TIAM1: variants seen among roughly 807,000 people sequenced by gnomAD.
TIAM1 encodes rho guanine nucleotide exchange factor TIAM1.
Under a neutral mutation model 163.5 loss-of-function variants are expected in TIAM1, and 65 were observed. That is an observed-to-expected ratio of 0.40 (90% CI 0.33 to 0.49). TIAM1 has a LOEUF of 0.49. TIAM1 is among the 20% of genes least tolerant of loss of function. The pLI is 0.77. For synonymous variants in TIAM1, 833 were observed against 810.1 expected (o/e 1.03, Z -0.48); for missense variants, 1,789 against 2,044.7 (o/e 0.87, Z 2.41).
chr21:31,153,371 C>T (rs910978157), intron 17 of TIAM1, among the ~76,000 whole-genome samples: 5 of 152,082 alleles, frequency 3.3e-5, no homozygotes, highest in Admixed American at 3.3e-4. Flanking sequence ...GTCTCCATTG[C>T]AACTTCTTCA....
intron 2 of TIAM1, among the ~76,000 whole-genome samples, chr21:31,415,972 A>C (rs1462375120): frequency 6.6e-6 from 1 of 152,044 alleles, no homozygotes; most frequent in Non-Finnish European, 1.5e-5. Flanking sequence ...AGCCTTCCCA[A>C]TGCTACCCAA....
intron 2 of TIAM1, among the ~76,000 whole-genome samples, chr21:31,310,934 G>A (rs1051486424): frequency 6.6e-6 from 1 of 152,184 alleles, no homozygotes; most frequent in South Asian, 2.1e-4. Context: ...ATTTAGCTCA[G>A]TGACTCGTGC....
intron 2 of TIAM1, among the ~76,000 whole-genome samples, chr21:31,397,570 A>G (rs1346561198): frequency 6.6e-6 from 1 of 152,224 alleles, no homozygotes; most frequent in Non-Finnish European, 1.5e-5. Flanking sequence ...GTTGCCCAAT[A>G]TCCCCGCGCC....
intron 2 of TIAM1, among the ~76,000 whole-genome samples, chr21:31,288,788 C>T (rs2073909507): frequency 6.6e-6 from 1 of 150,710 alleles, no homozygotes; most frequent in African/African-American, 2.5e-5. Flanking sequence ...ATCTCAACCA[C>T]ACTTTGTATG....
chr21:31,175,420 G>A (rs1049033447), intron 15 of TIAM1, among the ~76,000 whole-genome samples: 5 of 152,122 alleles, frequency 3.3e-5, no homozygotes, highest in African/African-American at 4.8e-5. Context: ...TTGAAACTTC[G>A]GAAAGACACT....
At chr21:31,144,830 G>GAAAAAAAAAAAAAAAAAA (rs764835303) in intron 20 of TIAM1, among the ~76,000 whole-genome samples, 41 of 74,496 alleles carry the variant, frequency 5.5e-4, no homozygotes, top group Non-Finnish European at 7.8e-4. Context: ...CTCCATCTCA[G>GAAAAAAAAAAAAAAAAAA]AAAAAAAAAA....
chr21:31,477,450 G>A (rs868422908), intron 1 of TIAM1, among the ~76,000 whole-genome samples: 6 of 150,192 alleles, frequency 4.0e-5, no homozygotes, highest in East Asian at 2.0e-4. Context: ...AATGTTCAGC[G>A]ACTCAGGAAA....
At chr21:31,320,876 C>T (rs1220615681) in intron 2 of TIAM1, among the ~76,000 whole-genome samples, 1 of 152,148 alleles carries the variant, frequency 6.6e-6, no homozygotes, top group Non-Finnish European at 1.5e-5. Flanking sequence ...CCTGTAATCC[C>T]AGCTACTTGA....
chr21:31,164,100 T>C (rs1396305288), intron 16 of TIAM1, among the ~76,000 whole-genome samples: 5 of 152,184 alleles, frequency 3.3e-5, no homozygotes, highest in Non-Finnish European at 7.3e-5. Context: ...TGATAAGTTA[T>C]GGGCAACAGG....
intron 1 of TIAM1, among the ~76,000 whole-genome samples, chr21:31,475,876 T>A (rs1413071527): frequency 6.6e-6 from 1 of 152,208 alleles, no homozygotes; most frequent in East Asian, 1.9e-4. Flanking sequence ...GATGTCCGAA[T>A]CATTAGCAAG....
intron 1 of TIAM1, among the ~76,000 whole-genome samples, chr21:31,553,178 T>C (rs2048751003): frequency 6.6e-6 from 1 of 152,140 alleles, no homozygotes; most frequent in Non-Finnish European, 1.5e-5. Flanking sequence ...GGTGGTAGAA[T>C]TAATAATGAC....
At chr21:31,152,034 TTTTTTTTTTTTTTG>T (rs1412837896) in intron 19 of TIAM1, among the ~76,000 whole-genome samples, 1 of 86,068 alleles carries the variant, frequency 1.2e-5, no homozygotes, top group African/African-American at 5.0e-5. Context: ...TTTTTTTTTT[TTTTTTTTTTTTTTG>T]TAAGACGGAG....
intron 2 of TIAM1, among the ~76,000 whole-genome samples, chr21:31,302,085 A>C: frequency 6.6e-6 from 1 of 151,908 alleles, no homozygotes; most frequent in African/African-American, 2.4e-5. Flanking sequence ...ATTGTATTTT[A>C]ATTTAAATTA....
intron 23 of TIAM1, among the ~76,000 whole-genome samples, chr21:31,131,812 C>A (rs2082420160): frequency 6.6e-6 from 1 of 152,160 alleles, no homozygotes; most frequent in Non-Finnish European, 1.5e-5. Flanking sequence ...AGTGATCAGG[C>A]CCTGAGGACT....
At chr21:31,212,298 C>G (rs533585336) in intron 10 of TIAM1, among the ~76,000 whole-genome samples, 1 of 152,138 alleles carries the variant, frequency 6.6e-6, no homozygotes, top group African/African-American at 2.4e-5. Flanking sequence ...GGGGCTGAGC[C>G]ACTGATGACT....
At chr21:31,137,357 C>T (rs1251870554) in intron 22 of TIAM1, among the ~76,000 whole-genome samples, 1 of 152,154 alleles carries the variant, frequency 6.6e-6, no homozygotes, top group Admixed American at 6.5e-5. Context: ...ACCATTAGTA[C>T]AATCAAGGGT....
At chr21:31,339,149 T>C in intron 2 of TIAM1, 94 bp downstream of exon 2, 1 of 393,078 alleles carries the variant, frequency 2.5e-6, no homozygotes. Flanking sequence ...CTTTCTATTG[T>C]CCCAAAAAAG....
At chr21:31,341,796 C>A (rs2833382) in intron 1 of TIAM1, among the ~76,000 whole-genome samples, 20,017 of 152,190 alleles carry the variant, frequency 0.13, 1,433 homozygotes, top group Non-Finnish European at 0.17. Context: ...CTGTTTAAGG[C>A]CTTTTTCGAC....
At chr21:31,203,096 T>C (rs2086283801) in intron 11 of TIAM1, 84 bp from the exon 12 acceptor site, 2 of 1,082,356 alleles carry the variant, frequency 1.8e-6, no homozygotes, top group African/African-American at 1.6e-5. Context: ...ATACGATGTA[T>C]TCCTATGACC....
Sources: allele counts gnomAD v4.1 joint callset (sites outside exome capture counted in the v4.1 genomes callset), GRCh38; gene constraint gnomAD v4.1.1; transcripts MANE v1.5; gene names NCBI Gene and HGNC (gene_info 2026-07-23, HGNC 2026-07-21).